RANBP2: variants seen among roughly 807,000 people sequenced by gnomAD.
RANBP2 encodes the protein E3 SUMO-protein ligase RanBP2.
In RANBP2, 57 loss-of-function variants were observed where a neutral mutation model predicts 303.6. That is an observed-to-expected ratio of 0.19 (90% confidence interval 0.15 to 0.23). The LOEUF (loss-of-function observed/expected upper bound fraction) is 0.23, where lower values mean the gene tolerates loss of function less well. RANBP2 is among the 10% of genes least tolerant of loss of function. The pLI, the probability that RANBP2 is intolerant of heterozygous loss-of-function variation, is 1.00. For synonymous variants in RANBP2, 1,167 were observed against 1,301.5 expected (o/e 0.90, Z 2.23); for missense variants, 3,138 against 3,780.8 (o/e 0.83, Z 4.46).
chr2:109,153,852 T>C, the RANBP2 span, among the ~76,000 whole-genome samples: 1 of 152,376 alleles, frequency 6.6e-6, no homozygotes, highest in East Asian at 1.9e-4. Flanking sequence ...GGCTGACTCC[T>C]GGTCTCCCAC....
At chr2:109,529,275 A>G in the RANBP2 span, among the ~76,000 whole-genome samples, 1 of 152,038 alleles carries the variant, frequency 6.6e-6, no homozygotes, top group African/African-American at 2.4e-5. Flanking sequence ...TTGAACATAG[A>G]CAGGGTGGGG....
At chr2:109,078,100 A>ATATATATATATATATATATATATATGGCG in the RANBP2 span, among the ~76,000 whole-genome samples, 2 of 70,004 alleles carry the variant, frequency 2.9e-5, no homozygotes, top group Non-Finnish European at 5.8e-5. Context: ...ATATATATAT[A>ATATATATATATATATATATATATATGGCG]TATATATATA....
the RANBP2 span, among the ~76,000 whole-genome samples, chr2:109,632,928 T>A: frequency 6.6e-6 from 1 of 152,184 alleles, no homozygotes; most frequent in South Asian, 2.1e-4. Flanking sequence ...AGTTCCCAAC[T>A]CTTACCAGTT....
chr2:109,263,216 G>A, the RANBP2 span, among the ~76,000 whole-genome samples: 13 of 152,070 alleles, frequency 8.5e-5, no homozygotes, highest in South Asian at 1.7e-3. Flanking sequence ...ATAATGACCC[G>A]GCTGTCTTTA....
downstream of RANBP2, chr2:108,788,703 G>A (rs1357388372): frequency 3.7e-6 from 4 of 1,081,252 alleles, no homozygotes; most frequent in African/African-American, 1.6e-5. Flanking sequence ...CTGGGTGACA[G>A]AGCGAGACTC....
chr2:109,322,560 G>A, the RANBP2 span, among the ~76,000 whole-genome samples: 1 of 152,232 alleles, frequency 6.6e-6, no homozygotes, highest in African/African-American at 2.4e-5. Context: ...AGTGTGCACT[G>A]ATTTTGAGAG....
the RANBP2 span, among the ~76,000 whole-genome samples, chr2:108,935,027 C>A: frequency 1.3e-5 from 2 of 152,176 alleles, no homozygotes; most frequent in Admixed American, 1.3e-4. Context: ...TGGAGTCAAG[C>A]GTCACCTGTT....
chr2:109,088,577 A>G, the RANBP2 span, among the ~76,000 whole-genome samples: 6,636 of 151,898 alleles, frequency 0.044, 214 homozygotes, highest in Non-Finnish European at 0.067. Flanking sequence ...CAGTGGTACG[A>G]TCTTGGCTCA....
At chr2:108,998,437 T>C in the RANBP2 span, among the ~76,000 whole-genome samples, 3 of 152,190 alleles carry the variant, frequency 2.0e-5, no homozygotes, top group African/African-American at 7.2e-5. Flanking sequence ...AAACATCTCG[T>C]TGGGAAGTCT....
At chr2:109,012,980 T>C in the RANBP2 span, among the ~76,000 whole-genome samples, 1 of 152,190 alleles carries the variant, frequency 6.6e-6, no homozygotes, top group African/African-American at 2.4e-5. Flanking sequence ...GGAGGAAAAG[T>C]GGCTACAACC....
the RANBP2 span, among the ~76,000 whole-genome samples, chr2:109,518,167 G>A: frequency 1.3e-5 from 2 of 152,224 alleles, no homozygotes; most frequent in South Asian, 2.1e-4. Flanking sequence ...ATAAGTGTGG[G>A]CAATTGTTTC....
At chr2:109,239,520 C>G in the RANBP2 span, among the ~76,000 whole-genome samples, 1 of 152,084 alleles carries the variant, frequency 6.6e-6, no homozygotes, top group Non-Finnish European at 1.5e-5. Context: ...TGAATTTGGC[C>G]CCATATTTGA....
chr2:109,559,254 A>G, the RANBP2 span, among the ~76,000 whole-genome samples: 1 of 152,242 alleles, frequency 6.6e-6, no homozygotes, highest in Non-Finnish European at 1.5e-5. Flanking sequence ...GAGCTACAAA[A>G]GCCTTATCAA....
At chr2:109,428,543 C>T in the RANBP2 span, among the ~76,000 whole-genome samples, 37 of 152,348 alleles carry the variant, frequency 2.4e-4, no homozygotes, top group African/African-American at 7.0e-4. Context: ...GCACACCTGC[C>T]GCGGCCACTT....
the RANBP2 span, among the ~76,000 whole-genome samples, chr2:109,022,342 G>A: frequency 6.6e-6 from 1 of 152,198 alleles, no homozygotes; most frequent in Non-Finnish European, 1.5e-5. Flanking sequence ...CCTTCCCCAG[G>A]GGGAGCAGTG....
chr2:109,151,921 T>C, the RANBP2 span, among the ~76,000 whole-genome samples: 1 of 152,250 alleles, frequency 6.6e-6, no homozygotes, highest in Non-Finnish European at 1.5e-5. Flanking sequence ...TTGAAGTTAA[T>C]ATAATAACAG....
At chr2:109,594,575 A>C in the RANBP2 span, 1 of 151,640 alleles carries the variant, frequency 6.6e-6, no homozygotes, top group East Asian at 1.9e-4. Flanking sequence ...AGTGTGGTGT[A>C]TACATATCGA....
At chr2:108,873,740 T>C in the RANBP2 span, 1 of 545,324 alleles carries the variant, frequency 1.8e-6, no homozygotes, top group South Asian at 2.9e-5. Flanking sequence ...ACACTAACGA[T>C]AGCTGATGTG....
chr2:108,881,768 A>G, the RANBP2 span, among the ~76,000 whole-genome samples: 13 of 152,356 alleles, frequency 8.5e-5, no homozygotes, highest in East Asian at 2.5e-3. Context: ...TGGAGCAGTC[A>G]TAACACACAA....
Sources: allele counts gnomAD v4.1 joint callset (sites outside exome capture counted in the v4.1 genomes callset), GRCh38; gene constraint gnomAD v4.1.1; transcripts MANE v1.5; gene names NCBI Gene and HGNC (gene_info 2026-07-23, HGNC 2026-07-21).